The following RELA variants were observed in gnomAD, a reference collection of about 807,000 sequenced individuals.
RELA encodes transcription factor p65.
In RELA, 14 loss-of-function variants were observed where a neutral mutation model predicts 56.7. That is an observed-to-expected ratio of 0.25 (90% CI 0.16 to 0.39). The LOEUF (loss-of-function observed/expected upper bound fraction) is 0.39, where lower values mean the gene tolerates loss of function less well. Ranked by LOEUF, RELA falls within the 10% of genes least tolerant of loss-of-function variation. The pLI, the probability that RELA is intolerant of heterozygous loss-of-function variation, is 1.00. For missense variants in RELA, 559 were observed against 736.4 expected, an observed-to-expected ratio of 0.76 and a Z score of 2.79; for synonymous variants, 315 against 289.7, an observed-to-expected ratio of 1.09 and a Z score of -0.89.
chr11:65,658,694 C>A lies in RELA; in HGVS notation c.664+24G>T. 2 of 1,602,660 alleles carry A rather than the reference C, an allele frequency of 1.2e-6. No individual in the cohort carries two copies. Among genetic ancestry groups the A allele is most frequent in the Non-Finnish European group, 1.7e-6 (2 of 1,169,788 alleles). ...AGCTTCACCCCTTGCTCCCAAGAGCCCACCCCTGCCTCCTGATGTATACCT... is the reference window on the plus strand; with the variant it reads ...AGCTTCACCCCTTGCTCCCAAGAGCACACCCCTGCCTCCTGATGTATACCT... On this transcript the variant is annotated intron_variant, in intron 7 of 10. Coordinates refer to ENST00000406246, the MANE Select transcript of RELA (RefSeq NM_021975.4). The surrounding 1 kb of genome is among the most constrained non-coding windows in gnomAD (Gnocchi z 4.5).
At chr11:65,660,472 C>T in intron 4 of RELA, 2 of 509,740 alleles carry the variant, frequency 3.9e-6, no homozygotes, top group South Asian at 2.7e-5. Context: ...ACTCTCTAAA[C>T]ACAGGACACT....
intron 10 of RELA, 120 bp from the exon 11 acceptor site, chr11:65,655,120 C>CACCCTCTAGGGAGTCACTGCT (rs1856389315): frequency 2.5e-6 from 2 of 784,988 alleles, no homozygotes; most frequent in East Asian, 5.3e-5. Context: ...GAGTCACTGC[C>CACCCTCTAGGGAGTCACTGCT]AACACCCTAT....
Position 65,661,854 on chromosome 11 carries a change from C to A in RELA, c.187-19G>T. 1 of 1,603,190 alleles carries A rather than the reference C, an allele frequency of 6.2e-7. No individual in the cohort carries two copies. The highest frequency in any genetic ancestry group is 8.5e-7 in the Non-Finnish European group (1 of 1,172,754). On this transcript the variant is annotated intron_variant, in intron 3 of 10. Transcript: ENST00000406246. ...CATTGATCTGTCCAAAGTACAGAGG[C>A]CCAGACATCCAAACCTGACTCCCAA...
rs1308599130 is a variant in RELA at position 65,658,805 on chromosome 11, C to T, written c.577G>A (p.Glu193Lys). 4 of 1,613,884 alleles carry T rather than the reference C, an allele frequency of 2.5e-6. No homozygotes were observed. The highest frequency in any genetic ancestry group is 3.4e-6 in the Non-Finnish European group (4 of 1,179,944). The stretch of plus-strand genomic sequence containing the variant: ...CGGTTCACTCGGCAGATCTTGAGCT[C>T]GGCAGTGTTGGGGGCACCTGAGGCA... ...IFDNRAPNTA[E>K]LKICRVNRNS... The change falls in exon 7 of 11, where the codon GAG becomes AAG. Residue 193 changes from glutamate (E) to lysine (K), a missense_variant. This residue lies in a region of RELA where 149 missense variants were observed against 256.0 expected (regional missense o/e 0.58). Coordinates refer to ENST00000406246, the MANE Select transcript of RELA (RefSeq NM_021975.4). The surrounding 1 kb of genome is among the most constrained non-coding windows in gnomAD (Gnocchi z 4.5).
intron 5 of RELA, 32 bp downstream of exon 5, chr11:65,660,092 G>A: frequency 6.3e-7 from 1 of 1,594,946 alleles, no homozygotes; most frequent in Non-Finnish European, 8.6e-7. Flanking sequence ...GGTGACAGAG[G>A]GTGCGGGTGT....
intron 8 of RELA, among the ~76,000 whole-genome samples, chr11:65,657,956 C>T (rs1357614721): frequency 6.6e-6 from 1 of 152,204 alleles, no homozygotes; most frequent in Non-Finnish European, 1.5e-5. Context: ...GCCAGATGGC[C>T]TGGGTTCCAA....
chr11:65,662,557 T>A (rs1436818859), intron 1 of RELA: 1 of 410,970 alleles, frequency 2.4e-6, no homozygotes, highest in Non-Finnish European at 4.3e-6. Flanking sequence ...GCTGCCCCCA[T>A]GGACGGTGTG....
rs1856489495 is a variant in RELA, at chr11:65,658,634, C to CA, written c.664+83dup. On this transcript the variant is annotated intron_variant, in intron 7 of 10. Coordinates refer to ENST00000406246, the MANE Select transcript of RELA (RefSeq NM_021975.4). The surrounding 1 kb of genome is among the most constrained non-coding windows in gnomAD (Gnocchi z 4.5). Reference sequence around the variant, plus strand: ...CCCCCGAGGCACAGGAGGAAGTATCCAAAGCCAGTTACCTGACACTCCACT... The same window carrying CA: ...CCCCCGAGGCACAGGAGGAAGTATCCAAAAGCCAGTTACCTGACACTCCACT... 4 of 1,443,992 alleles carry CA rather than the reference C, an allele frequency of 2.8e-6. No homozygotes were observed. Among genetic ancestry groups the CA allele is most frequent in the Non-Finnish European group, 3.9e-6 (4 of 1,029,556 alleles). 89.4% of individuals were successfully genotyped at this position (1,443,992 alleles called of 1,614,324 possible). A position where few individuals can be genotyped will look rare whatever the true frequency, so the allele number is the denominator to read the frequency against.
At chr11:65,662,493 C>T (rs184384365) in intron 1 of RELA, 130 of 474,000 alleles carry the variant, frequency 2.7e-4, no homozygotes, top group Admixed American at 1.2e-3. Flanking sequence ...CACCTCCCTC[C>T]AGAGAGGAAA....
intron 1 of RELA, 28 bp from the exon 2 acceptor site, chr11:65,662,233 C>T (rs1167789876): frequency 3.3e-6 from 5 of 1,533,612 alleles, no homozygotes; most frequent in Non-Finnish European, 4.4e-6. Context: ...TCAGGGTCAG[C>T]ACACACCCAA....
At chr11:65,660,063 G>A in intron 5 of RELA, 61 bp downstream of exon 5, 19 of 1,519,506 alleles carry the variant, frequency 1.3e-5, no homozygotes, top group Non-Finnish European at 1.7e-5. Context: ...GGGAGATGCA[G>A]GAAAGGCGGG....
chr11:65,654,831 T>C lies in RELA; in HGVS notation c.1203A>G (p.Ser401=). The C allele has an allele frequency of 6.5e-7, 1 of 1,550,012 alleles. No homozygotes were observed. Among genetic ancestry groups the C allele is most frequent in the Non-Finnish European group, 8.7e-7 (1 of 1,144,234 alleles). Residue 401 remains serine (S), a synonymous_variant, in exon 11 of 11, where the codon TCA becomes TCG. Transcript: ENST00000406246. ...PAPAPAPAMV[S]ALAQAPAPVP... ...CAGGGGCTGGGGCCTGGGCCAGAGCTGATACCATGGCTGGAGCAGGGGCAG... is the reference window on the plus strand; with the variant it reads ...CAGGGGCTGGGGCCTGGGCCAGAGCCGATACCATGGCTGGAGCAGGGGCAG...
intron 10 of RELA, chr11:65,655,314 T>A (rs1302014411): frequency 1.8e-6 from 1 of 566,212 alleles, no homozygotes; most frequent in East Asian, 3.0e-5. Context: ...TGAGAGGCAA[T>A]GAGCCCATGG....
chr11:65,658,620 C>T lies in RELA; in HGVS notation c.664+98G>A. Reference sequence around the variant, plus strand: ...CGGCCCACCTGAGGCCCCCGAGGCACAGGAGGAAGTATCCAAAGCCAGTTA... The same window carrying T: ...CGGCCCACCTGAGGCCCCCGAGGCATAGGAGGAAGTATCCAAAGCCAGTTA... On this transcript the variant is annotated intron_variant, in intron 7 of 10. Coordinates refer to ENST00000406246, the MANE Select transcript of RELA (RefSeq NM_021975.4). This position sits in a 1 kb window ranked among gnomAD's most constrained non-coding sequence, Gnocchi z 4.5. 1 of 1,403,100 alleles carries T rather than the reference C, an allele frequency of 7.1e-7. No individual in the cohort carries two copies. The highest frequency in any genetic ancestry group is 1.2e-5 in the South Asian group (1 of 84,914). The allele number at this position is 1,403,100 out of a possible 1,614,324, so 86.9% of individuals were successfully genotyped here.
At chr11:65,655,514 T>G in intron 10 of RELA, 174 bp downstream of exon 10, 1 of 625,522 alleles carries the variant, frequency 1.6e-6, no homozygotes, top group African/African-American at 1.8e-5. Context: ...GGCACGGTGG[T>G]TCCCAGGCTT....
At chr11:65,663,849 G>A (rs888519699), upstream of RELA, among the ~76,000 whole-genome samples, 2 of 152,060 alleles carry the variant, frequency 1.3e-5, no homozygotes, top group Non-Finnish European at 2.9e-5. Context: ...GCGCGTCCGT[G>A]TGGAGGCTGG....
intron 8 of RELA, among the ~76,000 whole-genome samples, chr11:65,656,362 G>A (rs1367952008): frequency 6.6e-6 from 1 of 152,178 alleles, no homozygotes; most frequent in East Asian, 1.9e-4. Context: ...ATCTCTAATG[G>A]TTTCATATTT....
Position 65,654,892 on chromosome 11 carries a change from G to C in RELA, c.1142C>G (p.Pro381Arg). ...CTGGGGCAGGACTTGGGGAGGGGCC[G>C]GGGCCAAGGCCGAGGCCTGGCTGAT... The part of the protein sequence containing the change: ...GQISQASALA[P>R]APPQVLPQAP... Residue 381 changes from proline (P) to arginine (R), a missense_variant, in exon 11 of 11, where the codon CCG (proline) becomes CGG (arginine). By Grantham distance (103) the Pro-to-Arg change is moderately radical. Coordinates refer to ENST00000406246, the MANE Select transcript of RELA (RefSeq NM_021975.4). 1.9e-6 allele frequency: 3 copies of C among 1,585,118 alleles called. No individual in the cohort carries two copies. In the African/African-American group the frequency reaches 4.0e-5, roughly 21 times the overall value.
chr11:65,654,244 T>C lies in RELA; in HGVS notation c.*134A>G, dbSNP rs1485736087. The C allele has an allele frequency of 1.9e-6, 2 of 1,050,698 alleles. No homozygotes were observed. The highest frequency in any genetic ancestry group is 5.1e-5 in the East Asian group (2 of 39,356). 65.1% of individuals were successfully genotyped at this position (1,050,698 alleles called of 1,614,324 possible). On this transcript the variant is annotated 3_prime_UTR_variant, in exon 11 of 11. Transcript: ENST00000406246. Reference sequence around the variant, plus strand: ...ATACTGACAATAAAAGAATAAAATATGGCTCCCCCCTCCAAGGAAGACATC... The same window carrying C: ...ATACTGACAATAAAAGAATAAAATACGGCTCCCCCCTCCAAGGAAGACATC...
Sources: allele counts gnomAD v4.1 joint callset (sites outside exome capture counted in the v4.1 genomes callset), GRCh38; gene constraint gnomAD v4.1.1; regional missense constraint gnomAD v4.1.1; non-coding constraint Gnocchi (gnomAD v3.1); transcripts MANE v1.5; gene names NCBI Gene and HGNC (gene_info 2026-07-23, HGNC 2026-07-21).